The following SORCS3 variants were observed in gnomAD, a reference collection of about 807,000 sequenced individuals.
The protein encoded by SORCS3 is VPS10 domain-containing receptor SorCS3.
SORCS3 carries 57 observed loss-of-function variants against 146.3 expected under a neutral mutation model. That is an observed-to-expected ratio of 0.39 (90% CI 0.31 to 0.49). SORCS3 has a LOEUF of 0.49. Ranked by LOEUF, SORCS3 falls within the 20% of genes least tolerant of loss-of-function variation. The pLI, the probability that SORCS3 is intolerant of heterozygous loss-of-function variation, is 0.92. For missense variants in SORCS3, 1,341 were observed against 1,575.5 expected (o/e 0.85, Z 2.52); for synonymous variants, 653 against 618.5 (o/e 1.06, Z -0.83).
chr10:105,162,222 C>T (rs1341579521), intron 11 of SORCS3, among the ~76,000 whole-genome samples: 1 of 152,164 alleles, frequency 6.6e-6, no homozygotes, highest in Non-Finnish European at 1.5e-5. Flanking sequence ...AGGGTGAAAG[C>T]AAGTTGTTTA....
In SORCS3 at chr10:104,720,663, C is replaced by G. The variant is rs566583150; in HGVS notation, c.627+78709C>G. The stretch of plus-strand genomic sequence containing the variant: ...TTGTTTCCTGACTTTTTAATGATCG[C>G]CCTTCTAACTGGTGTGAGATGGTAT... On this transcript the variant is annotated intron_variant, in intron 1 of 26. Transcript: ENST00000369701. Among the ~76,000 whole-genome samples the G allele has an allele frequency of 5.9e-5, 9 of 152,302 alleles. No individual in the cohort carries two copies. The East Asian group carries it at 1.7e-3, about 29-fold the overall frequency.
intron 3 of SORCS3, among the ~76,000 whole-genome samples, chr10:104,940,204 T>TTATATATATATATATATATATA (rs71022748): frequency 5.3e-4 from 28 of 52,954 alleles, no homozygotes; most frequent in South Asian, 2.0e-3. Flanking sequence ...TCCTTTTCTT[T>TTATATATATATATATATATATA]TATATATATA....
intron 1 of SORCS3, among the ~76,000 whole-genome samples, chr10:104,687,675 G>A (rs1410765670): frequency 1.3e-5 from 2 of 152,092 alleles, no homozygotes; most frequent in Non-Finnish European, 2.9e-5. Context: ...TTGAGCATGA[G>A]AACTCTGTTG....
At chr10:104,960,185 T>C (rs2054785775) in intron 3 of SORCS3, among the ~76,000 whole-genome samples, 1 of 152,170 alleles carries the variant, frequency 6.6e-6, no homozygotes, top group Non-Finnish European at 1.5e-5. Context: ...CTCTTGGCTG[T>C]TTAGGCTCTT....
intron 1 of SORCS3, among the ~76,000 whole-genome samples, chr10:104,672,368 A>T (rs1017735072): frequency 2.6e-5 from 4 of 151,710 alleles, no homozygotes; most frequent in Non-Finnish European, 5.9e-5. Flanking sequence ...TTTTTTTCTT[A>T]GTCTAGTGAG....
intron 5 of SORCS3, among the ~76,000 whole-genome samples, chr10:105,046,596 C>A (rs148104027): frequency 6.6e-6 from 1 of 152,032 alleles, no homozygotes; most frequent in African/African-American, 2.4e-5. Flanking sequence ...CATTATTATC[C>A]GCTTCTTCAT....
At chr10:104,997,223 C>A (rs370772455) in intron 4 of SORCS3, among the ~76,000 whole-genome samples, 146 of 152,220 alleles carry the variant, frequency 9.6e-4, no homozygotes, top group Middle Eastern at 3.4e-3. Context: ...GAAACTATTT[C>A]TTTTAACACA....
chr10:104,641,514 G>A lies in SORCS3; in HGVS notation c.187G>A (p.Ala63Thr), dbSNP rs2015415385. The A allele has an allele frequency of 1.4e-6, 2 of 1,475,016 alleles. No individual in the cohort carries two copies. The highest frequency in any genetic ancestry group is 1.8e-6 in the Non-Finnish European group (2 of 1,121,696). The allele number at this position is 1,475,016 out of a possible 1,614,324, so 91.4% of individuals were successfully genotyped here. A position where few individuals can be genotyped will look rare whatever the true frequency, so the allele number is the denominator to read the frequency against. ...PPALSPLSPR[A>T]VASQWPEELA... Reference sequence around the variant, plus strand: ...GGCGTTGTCTCCACTCTCGCCGCGGGCAGTGGCCAGCCAGTGGCCGGAGGA... The same window carrying A: ...GGCGTTGTCTCCACTCTCGCCGCGGACAGTGGCCAGCCAGTGGCCGGAGGA... Residue 63 changes from alanine to threonine, a missense_variant, in exon 1 of 27, where the codon GCA becomes ACA. By Grantham distance (58) the Ala-to-Thr change is moderately conservative (BLOSUM62 0). Transcript: ENST00000369701. This position sits in a 1 kb window ranked among gnomAD's most constrained non-coding sequence, Gnocchi z 6.4.
intron 1 of SORCS3, among the ~76,000 whole-genome samples, chr10:104,816,247 T>C (rs1046691561): frequency 6.6e-6 from 1 of 152,226 alleles, no homozygotes; most frequent in Admixed American, 6.5e-5. Flanking sequence ...ATTTCATAAC[T>C]TTGAAATGAA....
chr10:104,778,083 T>C (rs999944060), intron 1 of SORCS3, among the ~76,000 whole-genome samples: 2 of 152,134 alleles, frequency 1.3e-5, no homozygotes, highest in Non-Finnish European at 2.9e-5. Context: ...AACAGTAATA[T>C]ATGGTATATT....
chr10:104,814,936 C>A (rs762910946), intron 1 of SORCS3, among the ~76,000 whole-genome samples: 13 of 152,082 alleles, frequency 8.5e-5, no homozygotes, highest in Non-Finnish European at 1.5e-4. Flanking sequence ...TCTTTATTGT[C>A]AAGTCCTAAC....
At chr10:104,999,289 C>A (rs1446077029) in intron 4 of SORCS3, among the ~76,000 whole-genome samples, 1 of 152,026 alleles carries the variant, frequency 6.6e-6, no homozygotes, top group Non-Finnish European at 1.5e-5. Flanking sequence ...TAGGTCCAAC[C>A]CTGAAAACGT....
intron 1 of SORCS3, among the ~76,000 whole-genome samples, chr10:104,700,981 CAGA>C (rs529295938): frequency 1.2e-3 from 187 of 152,286 alleles, no homozygotes; most frequent in Non-Finnish European, 2.2e-3. Flanking sequence ...GCTTAGCCTT[CAGA>C]AGAAGAAGAG....
chr10:105,199,990 A>C lies in SORCS3; in HGVS notation c.2010-9A>C. 2 of 1,609,918 alleles carry C rather than the reference A, an allele frequency of 1.2e-6. No individual in the cohort carries two copies. Among genetic ancestry groups the C allele is most frequent in the Non-Finnish European group, 1.7e-6 (2 of 1,176,544 alleles). ...CCTTGTGTCTCCCACTCCTCCCCTA[A>C]ACACTTAGAGTTTTTGGCCACTTCA... On this transcript the variant is annotated splice_polypyrimidine_tract_variant and intron_variant, in intron 14 of 26. Coordinates refer to ENST00000369701, the MANE Select transcript of SORCS3 (RefSeq NM_014978.3).
At chr10:104,643,057 C>T (rs1441031107) in intron 1 of SORCS3, among the ~76,000 whole-genome samples, 2 of 152,236 alleles carry the variant, frequency 1.3e-5, no homozygotes, top group African/African-American at 4.8e-5. Flanking sequence ...CTCCCGCGGT[C>T]CCTACTAGAG....
At chr10:104,666,227 G>A (rs1182516913) in intron 1 of SORCS3, 1 of 152,052 alleles carries the variant, frequency 6.6e-6, no homozygotes, top group Non-Finnish European at 1.5e-5. Context: ...AAGGAGGCAG[G>A]GTGCATCTAG....
intron 2 of SORCS3, among the ~76,000 whole-genome samples, chr10:104,860,211 C>G (rs28628011): frequency 1.1e-5 from 1 of 88,522 alleles, no homozygotes; most frequent in Middle Eastern, 4.4e-3. Context: ...AAATGTGGCA[C>G]ATATACACCA....
intron 1 of SORCS3, among the ~76,000 whole-genome samples, chr10:104,780,254 G>A (rs2017359622): frequency 6.6e-6 from 1 of 151,952 alleles, no homozygotes. Context: ...CGGCATCTGT[G>A]AGCATACATA....
At chr10:105,044,949 T>C (rs748540897) in intron 5 of SORCS3, among the ~76,000 whole-genome samples, 5 of 146,988 alleles carry the variant, frequency 3.4e-5, no homozygotes, top group African/African-American at 7.7e-5. Flanking sequence ...ATTTCACTTA[T>C]AGAACTACAG....
Sources: allele counts gnomAD v4.1 joint callset (sites outside exome capture counted in the v4.1 genomes callset), GRCh38; gene constraint gnomAD v4.1.1; non-coding constraint Gnocchi (gnomAD v3.1); transcripts MANE v1.5; gene names NCBI Gene and HGNC (gene_info 2026-07-23, HGNC 2026-07-21).